The following NBEA variants were observed in gnomAD, a reference collection of about 807,000 sequenced individuals.
NBEA encodes the protein lysosomal-trafficking regulator 2.
In NBEA, 44 loss-of-function variants were observed where a neutral mutation model predicts 343.4. The observed-to-expected ratio is 0.13, with a 90% CI of 0.10 to 0.16. NBEA has a LOEUF of 0.16. Ranked by LOEUF, NBEA falls within the 10% of genes least tolerant of loss-of-function variation. The pLI, the probability that NBEA is intolerant of heterozygous loss-of-function variation, is 1.00. For missense variants in NBEA, 2,555 were observed against 3,631.3 expected (o/e 0.70, Z 7.62); for synonymous variants, 1,175 against 1,238.7 (o/e 0.95, Z 1.08).
chr13:35,490,661 C>A (rs1189606189), intron 41 of NBEA, among the ~76,000 whole-genome samples: 1 of 151,954 alleles, frequency 6.6e-6, no homozygotes, highest in Non-Finnish European at 1.5e-5. Context: ...TTAAACAAGA[C>A]AAAGAACAAA....
intron 38 of NBEA, among the ~76,000 whole-genome samples, chr13:35,383,074 A>G (rs532145004): frequency 8.8e-4 from 134 of 152,306 alleles, no homozygotes; most frequent in African/African-American, 3.1e-3. Context: ...TACACTGATT[A>G]TACATACCAG....
rs534046290 is a variant in NBEA at position 35,159,179 on chromosome 13, T to C, written c.3008T>C (p.Ile1003Thr). ...GAKGGMEIRE[I>T]EDLSQSQSPE... The stretch of plus-strand genomic sequence containing the variant: ...AAAGGTGGAATGGAAATTCGAGAGA[T>C]AGAAGATCTTTCACAAAGCCAGAGC... The change falls in exon 22 of 59, where the codon ATA becomes ACA. Residue 1003 changes from isoleucine (I) to threonine (T), a missense_variant. Physicochemically the swap from Ile to Thr is moderately conservative, Grantham distance 89. Coordinates refer to ENST00000379939, the MANE Select transcript of NBEA (RefSeq NM_001385012.1). The C allele has an allele frequency of 7.7e-5, 124 of 1,613,518 alleles. No individual in the cohort carries two copies. In the South Asian group the frequency reaches 1.2e-3, roughly 15 times the overall value.
chr13:35,286,524 T>C (rs1185856744), intron 34 of NBEA, among the ~76,000 whole-genome samples: 1 of 152,104 alleles, frequency 6.6e-6, no homozygotes, highest in Non-Finnish European at 1.5e-5. Flanking sequence ...CTGCTAGAGA[T>C]GGAATTTTTC....
In NBEA at chr13:35,367,414, C is replaced by A. The variant is rs1459005505; in HGVS notation, c.6179+15091C>A. Among the ~76,000 whole-genome samples the A allele has an allele frequency of 2.0e-5, 3 of 151,370 alleles. No homozygotes were observed. In the South Asian group the frequency reaches 6.2e-4, roughly 31 times the overall value. On this transcript the variant is annotated intron_variant, in intron 38 of 58. Transcript: ENST00000379939. ...TCAACTATTTTACTTTATGTTTAGACAATTGAGCCCCAGGAATATTTTCTT... is the reference window on the plus strand; with the variant it reads ...TCAACTATTTTACTTTATGTTTAGAAAATTGAGCCCCAGGAATATTTTCTT...
chr13:34,973,867 C>T lies in NBEA; in HGVS notation c.294+30753C>T, dbSNP rs112541169. Among the ~76,000 whole-genome samples, 968 of 152,292 alleles carry T rather than the reference C, an allele frequency of 6.4e-3. 11 individuals carry two copies. The highest frequency in any genetic ancestry group is 0.022 in the African/African-American group (927 of 41,572). On this transcript the variant is annotated intron_variant, in intron 1 of 58. Coordinates refer to ENST00000379939, the MANE Select transcript of NBEA (RefSeq NM_001385012.1). ...TACGGAAGTCCAACCTCCTGCGTTG[C>T]TGGAGTTGCAGTCACTTTTGCCAGG...
rs140851923 is a variant in NBEA, at chr13:35,255,472, C to T, written c.5776+22853C>T. ...CAGTGGGTGCATGAGCGGGCAAGCG[C>T]AGGTTCCGGCCACTGTGCACAACCA... is the stretch of plus-strand genomic sequence containing the variant. On this transcript the variant is annotated intron_variant, in intron 34 of 58. Transcript: ENST00000379939. Among the ~76,000 whole-genome samples the T allele has an allele frequency of 5.3e-5, 8 of 152,346 alleles. No homozygotes were observed. The East Asian group carries it at 1.5e-3, about 29-fold the overall frequency.
chr13:35,190,992 C>T (rs1374286939), intron 30 of NBEA, among the ~76,000 whole-genome samples: 1 of 152,072 alleles, frequency 6.6e-6, no homozygotes, highest in Non-Finnish European at 1.5e-5. Flanking sequence ...ATTGTAATAA[C>T]TGAAATGAAA....
intron 40 of NBEA, among the ~76,000 whole-genome samples, chr13:35,454,997 A>G (rs915038979): frequency 1.4e-4 from 21 of 152,144 alleles, no homozygotes; most frequent in Admixed American, 3.3e-4. Flanking sequence ...GCCTATTTCA[A>G]TCTCTGAGAT....
At chr13:35,125,123 C>T (rs377595406) in intron 17 of NBEA, among the ~76,000 whole-genome samples, 3 of 152,096 alleles carry the variant, frequency 2.0e-5, no homozygotes, top group East Asian at 3.9e-4. Context: ...CTATTTTCCC[C>T]CTTTTTCCTG....
intron 1 of NBEA, among the ~76,000 whole-genome samples, chr13:34,968,548 C>T (rs558213614): frequency 1.3e-4 from 20 of 152,176 alleles, no homozygotes; most frequent in Non-Finnish European, 2.8e-4. Context: ...TTAAATTATA[C>T]GATAGGCAGC....
chr13:35,556,258 C>T (rs1195784146), intron 44 of NBEA, among the ~76,000 whole-genome samples: 2 of 151,978 alleles, frequency 1.3e-5, no homozygotes, highest in African/African-American at 2.4e-5. Flanking sequence ...ATTTAAACAT[C>T]TGAAATGTAA....
intron 6 of NBEA, among the ~76,000 whole-genome samples, chr13:35,051,982 A>G (rs915323153): frequency 3.9e-5 from 6 of 151,954 alleles, no homozygotes; most frequent in Middle Eastern, 3.2e-3. Flanking sequence ...CACTTTTTCT[A>G]TTTTGTGTCT....
chr13:35,522,294 CCT>C (rs2077754670), intron 41 of NBEA, among the ~76,000 whole-genome samples: 1 of 151,444 alleles, frequency 6.6e-6, no homozygotes, highest in South Asian at 2.1e-4. Flanking sequence ...ATGATGAAAC[CCT>C]GTCTCTACTA....
At chr13:35,567,065 C>CT (rs1334499623) in intron 45 of NBEA, 48 bp downstream of exon 45, 2 of 978,496 alleles carry the variant, frequency 2.0e-6, no homozygotes, top group Non-Finnish European at 3.2e-6. Flanking sequence ...AGGCTATAGT[C>CT]TAATAGTATT....
intron 31 of NBEA, among the ~76,000 whole-genome samples, chr13:35,204,347 A>G (rs923457756): frequency 6.6e-6 from 1 of 152,288 alleles, no homozygotes; most frequent in East Asian, 1.9e-4. Context: ...ACAGTTCCAC[A>G]TGGCTGGGGA....
rs1310202173 is a variant in NBEA at position 35,109,406 on chromosome 13, A to G, written c.1797A>G (p.Leu599=). ...TGAAGCAGCTTTGTGATCACATTTTATTTAACCCAGCCATCTGGATACATA... is the reference window on the plus strand; with the variant it reads ...TGAAGCAGCTTTGTGATCACATTTTGTTTAACCCAGCCATCTGGATACATA... The part of the protein sequence containing the change: ...PLLKQLCDHI[L]FNPAIWIHTP... The change falls in exon 12 of 59, where the codon TTA becomes TTG. Residue 599 remains leucine (L), a synonymous_variant. Coordinates refer to ENST00000379939, the MANE Select transcript of NBEA (RefSeq NM_001385012.1). 1.2e-6 allele frequency: 2 copies of G among 1,611,464 alleles called. No homozygotes were observed. The highest frequency in any genetic ancestry group is 1.3e-5 in the African/African-American group (1 of 74,830).
intron 58 of NBEA, among the ~76,000 whole-genome samples, chr13:35,669,671 T>G (rs2085514615): frequency 6.6e-6 from 1 of 152,228 alleles, no homozygotes; most frequent in Admixed American, 6.5e-5. Flanking sequence ...TTTGTGTTTG[T>G]AAGCAGTTTC....
chr13:35,210,928 T>C (rs2073732240), intron 32 of NBEA, 125 bp from the exon 33 acceptor site: 5 of 943,322 alleles, frequency 5.3e-6, no homozygotes, highest in African/African-American at 1.7e-5. Context: ...GCCAAATGAT[T>C]AATTGTCAAA....
In NBEA at chr13:35,032,433, G is replaced by A. The variant is rs148768841; in HGVS notation, c.295-8500G>A. Among the ~76,000 whole-genome samples the A allele has an allele frequency of 2.0e-4, 30 of 151,740 alleles. No individual in the cohort carries two copies. In the East Asian group the frequency reaches 5.6e-3, roughly 28 times the overall value. On this transcript the variant is annotated intron_variant, in intron 1 of 58. Transcript: ENST00000379939. ...GAGCTTTTTATTCATAAGCTTGTTG[G>A]CCACACTTATGTCTTCTTTTGAAAA...
Sources: allele counts gnomAD v4.1 joint callset (sites outside exome capture counted in the v4.1 genomes callset), GRCh38; gene constraint gnomAD v4.1.1; transcripts MANE v1.5; gene names NCBI Gene and HGNC (gene_info 2026-07-23, HGNC 2026-07-21).